Variants in RGL1 observed in about 807,000 individuals in gnomAD.
The protein encoded by RGL1 is ral guanine nucleotide dissociation stimulator like 1, also known as ral guanine nucleotide dissociation stimulator-like 1.
In RGL1, 24 loss-of-function variants were observed where a neutral mutation model predicts 95.2. That is an observed-to-expected ratio of 0.25 (90% CI 0.18 to 0.35). The LOEUF (loss-of-function observed/expected upper bound fraction) is 0.35. RGL1 is among the 10% of genes least tolerant of loss of function. RGL1 has a pLI of 1.00. For synonymous variants in RGL1, 329 were observed against 344.9 expected (o/e 0.95, Z 0.51); for missense variants, 715 against 936.3 (o/e 0.76, Z 3.08).
rs914945819 is a variant in RGL1 at position 183,768,123 on chromosome 1, T to A, written c.132+25834T>A. On this transcript the variant is annotated intron_variant, in intron 2 of 18. Coordinates refer to the RGL1 transcript ENST00000304685. ...TGTCTAAACTTCCGTCTTCTCTGTA[T>A]GTGCATGAAGGTAGACACACAGAGA... 2.6e-5 allele frequency among the ~76,000 whole-genome samples: 4 copies of A among 152,112 alleles called. No homozygotes were observed. In the East Asian group the frequency reaches 7.7e-4, roughly 29 times the overall value.
At chr1:183,808,971 C>T (rs1439402153) in intron 2 of RGL1, among the ~76,000 whole-genome samples, 1 of 152,154 alleles carries the variant, frequency 6.6e-6, no homozygotes, top group Non-Finnish European at 1.5e-5. Flanking sequence ...GTGTGCTTTT[C>T]CCTAATGTTG....
intron 2 of RGL1, among the ~76,000 whole-genome samples, chr1:183,842,784 T>A (rs1195743242): frequency 6.6e-6 from 1 of 152,202 alleles, no homozygotes; most frequent in Admixed American, 6.5e-5. Flanking sequence ...CTGACAAGGG[T>A]TCCACCCCTT....
intron 1 of RGL1, among the ~76,000 whole-genome samples, chr1:183,664,454 T>C (rs1009264552): frequency 6.6e-5 from 10 of 152,138 alleles, no homozygotes; most frequent in Admixed American, 1.3e-4. Context: ...TATTATAATT[T>C]TTATTTGACA....
chr1:183,805,319 A>G lies in RGL1; in HGVS notation c.22A>G (p.Lys8Glu), dbSNP rs1437947191. The G allele has an allele frequency of 1.2e-6, 2 of 1,611,438 alleles. No homozygotes were observed. Among genetic ancestry groups the G allele is most frequent in the African/African-American group, 1.3e-5 (1 of 74,932 alleles). The change falls in exon 1 of 18, where the codon AAA becomes GAA. Residue 8 changes from lysine to glutamate, a missense_variant. By Grantham distance (56) the Lys-to-Glu change is moderately conservative. Around this residue, in one of 3 missense-constraint regions of RGL1, gnomAD observed 381 missense variants for 484.8 expected, o/e 0.79. Transcript: ENST00000360851. MKLLWQA[K>E]MSSIQDWGEE... ...GAGAATGAAATTGCTTTGGCAAGCT[A>G]AAATGGTAACGAGAGCTCTCTGCCT...
At chr1:183,718,758 A>G (rs1655798257) in intron 1 of RGL1, among the ~76,000 whole-genome samples, 1 of 151,986 alleles carries the variant, frequency 6.6e-6, no homozygotes, top group Non-Finnish European at 1.5e-5. Flanking sequence ...TCTACTAAAA[A>G]AAAAACTACC....
chr1:183,749,420 T>C (rs1055478655), intron 2 of RGL1, among the ~76,000 whole-genome samples: 2 of 152,330 alleles, frequency 1.3e-5, no homozygotes, highest in South Asian at 2.1e-4. Context: ...AAGTCTGTTT[T>C]ATTAGAGACT....
In RGL1 at chr1:183,680,787, A is replaced by AT. The variant is rs1338398119; in HGVS notation, c.-33+44287dup. 4.6e-5 allele frequency among the ~76,000 whole-genome samples: 7 copies of AT among 152,156 alleles called. 1 individual carries two copies. In the South Asian group the frequency reaches 1.5e-3, roughly 32 times the overall value. ...TTTGGGCAGTATGGCCATTTTCACG[A>AT]TATTGATTCTTCCTATCCCTAAGCA... On this transcript the variant is annotated intron_variant, in intron 1 of 18. Transcript: ENST00000304685.
chr1:183,681,158 C>T (rs931101937), intron 1 of RGL1, among the ~76,000 whole-genome samples: 1 of 152,168 alleles, frequency 6.6e-6, no homozygotes, highest in Non-Finnish European at 1.5e-5. Flanking sequence ...TATTTGAATA[C>T]CCTTTATTTC....
chr1:183,818,066 GTGTC>G (rs1662205909), intron 2 of RGL1, among the ~76,000 whole-genome samples: 1 of 152,172 alleles, frequency 6.6e-6, no homozygotes, highest in Non-Finnish European at 1.5e-5. Flanking sequence ...CCACAAATGA[GTGTC>G]TGCTCGAGGG....
At chr1:183,818,382 T>C (rs1213727504) in intron 2 of RGL1, among the ~76,000 whole-genome samples, 1 of 152,270 alleles carries the variant, frequency 6.6e-6, no homozygotes, top group African/African-American at 2.4e-5. Flanking sequence ...CTCTTATCAC[T>C]GTGTCACTGC....
At chr1:183,747,453 T>C (rs1472308678) in intron 2 of RGL1, among the ~76,000 whole-genome samples, 1 of 152,220 alleles carries the variant, frequency 6.6e-6, no homozygotes, top group Non-Finnish European at 1.5e-5. Context: ...AAGTATCTGT[T>C]TATGTCCTTT....
intron 1 of RGL1, among the ~76,000 whole-genome samples, chr1:183,714,163 C>T (rs1044027747): frequency 6.6e-6 from 1 of 152,172 alleles, no homozygotes; most frequent in African/African-American, 2.4e-5. Flanking sequence ...GGGAAGTTTT[C>T]CTCTTATTGG....
intron 2 of RGL1, among the ~76,000 whole-genome samples, chr1:183,767,977 G>A (rs867937115): frequency 2.0e-5 from 3 of 151,970 alleles, no homozygotes; most frequent in African/African-American, 4.8e-5. Flanking sequence ...TTGCCCAACT[G>A]CCATGTATTT....
intron 1 of RGL1, among the ~76,000 whole-genome samples, chr1:183,669,957 C>T (rs1188876573): frequency 6.6e-6 from 1 of 152,150 alleles, no homozygotes; most frequent in Non-Finnish European, 1.5e-5. Context: ...GATTCAAGTA[C>T]CTCTCACCGG....
At chr1:183,647,670 TGTA>T (rs1208383017) in intron 1 of RGL1, 1 of 1,586,538 alleles carries the variant, frequency 6.3e-7, no homozygotes, top group Non-Finnish European at 8.6e-7. Context: ...GCTGTAGGAA[TGTA>T]GATTTTATTT....
chr1:183,916,115 T>G (rs1007801485), intron 15 of RGL1, among the ~76,000 whole-genome samples: 1 of 152,224 alleles, frequency 6.6e-6, no homozygotes, highest in African/African-American at 2.4e-5. Flanking sequence ...AGCTTCTGAC[T>G]TCTTTGGGAA....
chr1:183,882,734 G>C (rs1666894872), intron 5 of RGL1, among the ~76,000 whole-genome samples: 1 of 152,194 alleles, frequency 6.6e-6, no homozygotes, highest in Non-Finnish European at 1.5e-5. Context: ...TAAAGGGGAA[G>C]TGGTGTAGGG....
intron 1 of RGL1, among the ~76,000 whole-genome samples, chr1:183,654,555 C>G (rs1438120947): frequency 6.6e-6 from 1 of 152,166 alleles, no homozygotes; most frequent in African/African-American, 2.4e-5. Flanking sequence ...GCTGAAGAAT[C>G]AAGTTCTGAG....
intron 1 of RGL1, among the ~76,000 whole-genome samples, chr1:183,653,883 C>T (rs916726192): frequency 3.9e-5 from 6 of 152,144 alleles, no homozygotes; most frequent in African/African-American, 1.2e-4. Context: ...TCCTTAGTCT[C>T]CCTTGACCCC....
Sources: gnomAD v4.1 joint callset for allele counts (sites outside exome capture counted in the v4.1 genomes callset) on GRCh38, gnomAD v4.1.1 for gene constraint, gnomAD v4.1.1 regional missense constraint, MANE v1.5 for transcripts, NCBI Gene and HGNC (gene_info 2026-07-23, HGNC 2026-07-21) for gene names.